The following TBC1D16 variants were observed in gnomAD, a reference collection of about 807,000 sequenced individuals.
TBC1D16 encodes TBC1 domain family member 16.
TBC1D16 carries 58 observed loss-of-function variants against 74.7 expected under a neutral mutation model. That is an observed-to-expected ratio of 0.78 (90% CI 0.63 to 0.97). The LOEUF (loss-of-function observed/expected upper bound fraction) is 0.97, where lower values mean the gene tolerates loss of function less well. TBC1D16 is among the 50% of genes least tolerant of loss of function. The pLI is 0.00. For synonymous variants in TBC1D16, 493 were observed against 474.7 expected, an observed-to-expected ratio of 1.04 and a Z score of -0.50; for missense variants, 1,014 against 1,079.5, an observed-to-expected ratio of 0.94 and a Z score of 0.85.
chr17:80,010,230 A>C lies in TBC1D16; in HGVS notation c.709T>G (p.Phe237Val). 1 of 1,613,372 alleles carries C rather than the reference A, an allele frequency of 6.2e-7. No homozygotes were observed. The highest frequency in any genetic ancestry group is 1.1e-5 in the South Asian group (1 of 90,988). ...DSDSDTFSSP[F>V]CLSPISAALA... ...GCCGCGCTGATGGGCGAGAGGCAGA[A>C]GGGCGAGGAGAAGGTGTCTGAGTCT... Residue 237 changes from phenylalanine to valine, a missense_variant, in exon 3 of 12, where the codon TTC (phenylalanine) becomes GTC (valine). Transcript: ENST00000310924. The surrounding 1 kb of genome is among the most constrained non-coding windows in gnomAD (Gnocchi z 8.8).
chr17:79,966,992 C>CAAAT (rs886980754), intron 3 of TBC1D16, among the ~76,000 whole-genome samples: 3 of 152,066 alleles, frequency 2.0e-5, no homozygotes, highest in African/African-American at 7.2e-5. Context: ...AAACATTTGA[C>CAAAT]AAATCCAACA....
intron 3 of TBC1D16, among the ~76,000 whole-genome samples, chr17:79,955,978 G>A (rs2143809755): frequency 6.6e-6 from 1 of 152,330 alleles, no homozygotes; most frequent in Non-Finnish European, 1.5e-5. Flanking sequence ...TGGCAAACAT[G>A]GTGTTAGGTG....
intron 3 of TBC1D16, among the ~76,000 whole-genome samples, chr17:79,995,294 C>T (rs573386083): frequency 2.2e-4 from 33 of 150,018 alleles, no homozygotes; most frequent in African/African-American, 6.9e-4. Context: ...ACTGAGACTC[C>T]GTTTCAAAAA....
intron 1 of TBC1D16, among the ~76,000 whole-genome samples, chr17:80,021,974 A>C (rs2036304191): frequency 8.2e-6 from 1 of 121,294 alleles, no homozygotes; most frequent in Non-Finnish European, 1.7e-5. Flanking sequence ...TTTGCCTTTT[A>C]TTTATATTAC....
intron 3 of TBC1D16, among the ~76,000 whole-genome samples, chr17:80,006,419 G>A (rs8067885): frequency 0.73 from 110,470 of 151,892 alleles, 40,415 homozygotes; most frequent in Admixed American, 0.79. Context: ...ATGGGCAGCC[G>A]GGCTGGGGAC....
rs2031460259 is a variant in TBC1D16 at position 79,934,500 on chromosome 17, G to C, written c.*6359C>G. 6.6e-6 allele frequency: 1 copy of C among 152,262 alleles called. No individual in the cohort carries two copies. The allele number at this position is 152,262 out of a possible 1,614,324, so 9.4% of individuals were successfully genotyped here. On this transcript the variant is annotated 3_prime_UTR_variant, in exon 12 of 12. Transcript: ENST00000310924. ...TTGCAGAGTCCACGGTAAGAGCCAGGACGTGGCTTCCAGGCAGGATGGGGA... is the reference window on the plus strand; with the variant it reads ...TTGCAGAGTCCACGGTAAGAGCCAGCACGTGGCTTCCAGGCAGGATGGGGA...
At chr17:79,953,676 G>A (rs534840647) in intron 3 of TBC1D16, among the ~76,000 whole-genome samples, 1 of 152,268 alleles carries the variant, frequency 6.6e-6, no homozygotes, top group African/African-American at 2.4e-5. Flanking sequence ...TTATGAGTTT[G>A]TTACATTCCA....
Position 79,947,779 on chromosome 17 carries a change from C to G in TBC1D16, c.1594G>C (p.Gly532Arg). ...VYNPAVGYSQ[G>R]MSDLVAPILA... ...ATGGGCGCCACCAGGTCCGACATCC[C>G]TTGGGAATAGCCGACGGCAGGGTTG... is the stretch of plus-strand genomic sequence containing the variant. Residue 532 changes from glycine (G) to arginine (R), a missense_variant, in exon 9 of 12, where the codon GGG becomes CGG. By Grantham distance (125) the Gly-to-Arg change is moderately radical (BLOSUM62 -2). Transcript: ENST00000310924. 1 of 1,613,944 alleles carries G rather than the reference C, an allele frequency of 6.2e-7. No individual in the cohort carries two copies. The highest frequency in any genetic ancestry group is 2.2e-5 in the East Asian group (1 of 44,882).
In TBC1D16 at chr17:80,035,582, A is replaced by T. The variant is rs1027107301; in HGVS notation, c.-63+213T>A. Among the ~76,000 whole-genome samples the T allele has an allele frequency of 6.6e-6, 1 of 151,672 alleles. No homozygotes were observed. Among genetic ancestry groups the T allele is most frequent in the African/African-American group, 2.4e-5 (1 of 41,344 alleles). On this transcript the variant is annotated intron_variant, in intron 1 of 11. Coordinates refer to ENST00000310924, the MANE Select transcript of TBC1D16 (RefSeq NM_019020.4). This position sits in a 1 kb window ranked among gnomAD's most constrained non-coding sequence, Gnocchi z 5.3. ...GTCCCCAGGTGCCCCTCCGTGATCCAGGTCCTCCCACAACGCTCCCGCTCC... is the reference window on the plus strand; with the variant it reads ...GTCCCCAGGTGCCCCTCCGTGATCCTGGTCCTCCCACAACGCTCCCGCTCC...
intron 3 of TBC1D16, among the ~76,000 whole-genome samples, chr17:79,960,809 A>AAAAAAAAAAAAAAAAAG (rs2033576160): frequency 7.3e-6 from 1 of 136,146 alleles, no homozygotes; most frequent in Non-Finnish European, 1.6e-5. Flanking sequence ...AAAAAAAAAA[A>AAAAAAAAAAAAAAAAAG]CGAAGGAATG....
chr17:79,982,047 T>A (rs2034606035), intron 3 of TBC1D16, among the ~76,000 whole-genome samples: 1 of 152,266 alleles, frequency 6.6e-6, no homozygotes, highest in Admixed American at 6.5e-5. Flanking sequence ...AGGGATAAGC[T>A]GCACCTCTTT....
chr17:79,964,926 C>G (rs994183349), intron 3 of TBC1D16, among the ~76,000 whole-genome samples: 1 of 151,816 alleles, frequency 6.6e-6, no homozygotes, highest in Non-Finnish European at 1.5e-5. Flanking sequence ...GTATTTTATA[C>G]CTATGCAAGT....
chr17:79,945,999 G>T (rs532202488), intron 9 of TBC1D16, among the ~76,000 whole-genome samples: 1 of 152,206 alleles, frequency 6.6e-6, no homozygotes, highest in African/African-American at 2.4e-5. Context: ...AAGCCCACTC[G>T]TGTGGCTGAC....
Position 79,941,972 on chromosome 17 carries a change from G to A in TBC1D16, c.2055+88C>T. On this transcript the variant is annotated intron_variant, in intron 11 of 11. Transcript: ENST00000310924. The surrounding 1 kb of genome is among the most constrained non-coding windows in gnomAD (Gnocchi z 4.3). ...GGCTCTGGGGGCGGGGCCCACATCT[G>A]GGGCAGCCTCACCTTTCTGAGAACG... 7.5e-7 allele frequency: 1 copy of A among 1,333,624 alleles called. No individual in the cohort carries two copies. The highest frequency in any genetic ancestry group is 1.0e-6 in the Non-Finnish European group (1 of 977,258). 82.6% of individuals were successfully genotyped at this position (1,333,624 alleles called of 1,614,324 possible).
intron 1 of TBC1D16, 58 bp from the exon 2 acceptor site, chr17:80,013,667 G>T: frequency 8.9e-7 from 1 of 1,121,506 alleles, no homozygotes. Flanking sequence ...CTGTCTCACA[G>T]CAGTACGTGT....
At position 79,950,951 on chromosome 17, in the gene TBC1D16, G is replaced by A; in HGVS notation, c.1090-373C>T. On this transcript the variant is annotated intron_variant, in intron 5 of 11. Transcript: ENST00000310924. The surrounding 1 kb of genome is among the most constrained non-coding windows in gnomAD (Gnocchi z 4.6). ...AAAGGGATCGCTGTTCTGCGAGCAG[G>A]GAGCCAGCCTGTCAGATTGCCTCCG... 8.7e-7 allele frequency: 1 copy of A among 1,147,124 alleles called. No homozygotes were observed. The highest frequency in any genetic ancestry group is 1.7e-5 in the South Asian group (1 of 60,368). The allele number at this position is 1,147,124 out of a possible 1,614,324, so 71.1% of individuals were successfully genotyped here.
rs967533961 is a variant in TBC1D16, at chr17:79,994,220, T to G, written c.779+15940A>C. Among the ~76,000 whole-genome samples, 7 of 151,696 alleles carry G rather than the reference T, an allele frequency of 4.6e-5. No homozygotes were observed. Among genetic ancestry groups the G allele is most frequent in the Non-Finnish European group, 7.4e-5 (5 of 67,976 alleles). On this transcript the variant is annotated intron_variant, in intron 3 of 11. Transcript: ENST00000310924. This position sits in a 1 kb window ranked among gnomAD's most constrained non-coding sequence, Gnocchi z 4.6. ...GATGCACTGGCTCCGCCCCCATCTC[T>G]TTAGAATCCAGCTCCCTTGGGGGAC...
In TBC1D16 at chr17:79,963,013, G is replaced by A. The variant is rs112752066; in HGVS notation, c.780-10195C>T. Among the ~76,000 whole-genome samples, 934 of 150,692 alleles carry A rather than the reference G, an allele frequency of 6.2e-3. 9 individuals carry two copies. The highest frequency in any genetic ancestry group is 0.021 in the African/African-American group (850 of 40,936). On this transcript the variant is annotated intron_variant, in intron 3 of 11. Transcript: ENST00000310924. The stretch of plus-strand genomic sequence containing the variant: ...TGCAGTGAGCCGAGATCGCGCCATT[G>A]CACTCCAGCCTGGGCAACAAGAGCA...
In TBC1D16 at chr17:79,941,463, TC is replaced by T. The variant is rs1351112798; in HGVS notation, c.2056-357del. On this transcript the variant is annotated intron_variant, in intron 11 of 11. Transcript: ENST00000310924. The surrounding 1 kb of genome is among the most constrained non-coding windows in gnomAD (Gnocchi z 4.3). ...CCACCTGTCCCTTTGGCAGCACCCC[TC>T]TCTTCTTCCCCCGCACCTTGCTCCA... 1.7e-5 allele frequency among the ~76,000 whole-genome samples: 2 copies of T among 117,072 alleles called. No individual in the cohort carries two copies. The highest frequency in any genetic ancestry group is 6.7e-4 in the East Asian group (2 of 3,006). The allele number at this position is 117,072 out of a possible 152,430, so 76.8% of individuals were successfully genotyped here.
Sources: allele counts gnomAD v4.1 joint callset (sites outside exome capture counted in the v4.1 genomes callset), GRCh38; gene constraint gnomAD v4.1.1; non-coding constraint Gnocchi (gnomAD v3.1); transcripts MANE v1.5; gene names NCBI Gene and HGNC (gene_info 2026-07-23, HGNC 2026-07-21).